Variants in HLA-DPA1 observed in about 807,000 individuals in gnomAD.
The protein encoded by HLA-DPA1 is major histocompatibility complex, class II, DP alpha 1.
Under a neutral mutation model 21.5 loss-of-function variants are expected in HLA-DPA1, and 20 were observed. The ratio of observed to expected loss-of-function variants is 0.93; its 90% CI spans 0.66 to 1.35. The LOEUF is 1.35. Among genes scored for constraint, HLA-DPA1 ranks in the 40% most tolerant of loss-of-function variants. The pLI is 0.00. For missense variants in HLA-DPA1, 279 were observed against 323.0 expected (o/e 0.86, Z 1.05); for synonymous variants, 123 against 129.6 (o/e 0.95, Z 0.35).
Position 33,080,309 on chromosome 6 carries a change from C to T in HLA-DPA1, c.-100+371G>A. The T allele has an allele frequency of 2.3e-6, 1 of 437,628 alleles. No individual in the cohort carries two copies. The highest frequency in any genetic ancestry group is 4.5e-6 in the Non-Finnish European group (1 of 222,264). The allele number at this position is 437,628 out of a possible 1,614,324, so 27.1% of individuals were successfully genotyped here. On this transcript the variant is annotated intron_variant, in intron 1 of 5. Transcript: ENST00000419277. The surrounding 1 kb of genome is among the most constrained non-coding windows in gnomAD (Gnocchi z 4.3). Reference sequence around the variant, plus strand: ...GTAGGGGGAGCAGCTCCGCCCTCCACGTCCCCAGCTCCTCCCGCCCCTGTT... The same window carrying T: ...GTAGGGGGAGCAGCTCCGCCCTCCATGTCCCCAGCTCCTCCCGCCCCTGTT...
chr6:33,072,782 G>C (rs1178959187), intron 2 of HLA-DPA1, among the ~76,000 whole-genome samples: 1 of 152,136 alleles, frequency 6.6e-6, no homozygotes, highest in Non-Finnish European at 1.5e-5. Context: ...CTGAGTCCTT[G>C]CAGCTATCAA....
At chr6:33,078,204 T>G (rs1762651657) in intron 1 of HLA-DPA1, among the ~76,000 whole-genome samples, 1 of 152,042 alleles carries the variant, frequency 6.6e-6, no homozygotes, top group Non-Finnish European at 1.5e-5. Flanking sequence ...AAGGCTGGGT[T>G]GAGGTTTGTA....
chr6:33,078,624 T>C (rs1762677234), intron 1 of HLA-DPA1, among the ~76,000 whole-genome samples: 1 of 128,114 alleles, frequency 7.8e-6, no homozygotes, highest in South Asian at 2.4e-4. Flanking sequence ...GTTTCTTATA[T>C]ACAAAAAAAA....
chr6:33,075,915 C>A, intron 1 of HLA-DPA1: 1 of 675,182 alleles, frequency 1.5e-6, no homozygotes, highest in South Asian at 1.9e-5. Flanking sequence ...CAGACTCTGT[C>A]CAATCCCAGG....
Position 33,080,468 on chromosome 6 carries a change from C to G in HLA-DPA1, c.-100+212G>C, listed in dbSNP as rs1278659993. On this transcript the variant is annotated intron_variant, in intron 1 of 5. Transcript: ENST00000419277. The surrounding 1 kb of genome is among the most constrained non-coding windows in gnomAD (Gnocchi z 4.3). ...CTGAGCTCATTCTTTTCAGTAAATT[C>G]TCTCTCTGCGTGGTGAGAAAACAGG... 1.3e-6 allele frequency: 1 copy of G among 758,760 alleles called. No individual in the cohort carries two copies. Among genetic ancestry groups the G allele is most frequent in the Non-Finnish European group, 2.3e-6 (1 of 426,618 alleles). The allele number at this position is 758,760 out of a possible 1,614,324, so 47.0% of individuals were successfully genotyped here.
chr6:33,064,938 C>T (rs900593631), exon 6 of HLA-DPA1: 1 of 152,164 alleles, frequency 6.6e-6, no homozygotes, highest in African/African-American at 2.4e-5. Context: ...GAGGTTGAAA[C>T]CACACCTTCA....
intron 3 of HLA-DPA1, 60 bp from the exon 3 acceptor site, chr6:33,069,360 C>G (rs1583090449): frequency 6.6e-7 from 1 of 1,515,946 alleles, no homozygotes; most frequent in Non-Finnish European, 9.0e-7. Context: ...AAGGCTCCAC[C>G]TCTTAGGGGA....
chr6:33,077,611 T>C (rs1237373376), intron 1 of HLA-DPA1, among the ~76,000 whole-genome samples: 1 of 152,202 alleles, frequency 6.6e-6, no homozygotes. Flanking sequence ...TTGGTGGGAC[T>C]GTAAACTAGT....
At chr6:33,073,327 A>G (rs1470861694) in intron 2 of HLA-DPA1, 144 bp downstream of exon 1, 5 of 612,804 alleles carry the variant, frequency 8.2e-6, no homozygotes, top group Non-Finnish European at 1.5e-5. Context: ...TATTGCTGTT[A>G]TTATTATGAG....
At position 33,072,642 on chromosome 6, in the gene HLA-DPA1, C is replaced by G. The variant is rs150355547; in HGVS notation, c.100+829G>C. Among the ~76,000 whole-genome samples the G allele has an allele frequency of 3.6e-3, 541 of 152,286 alleles. 3 individuals are homozygous for G. The highest frequency in any genetic ancestry group is 0.026 in the East Asian group (133 of 5,188). ...AAAACTGTCTGAAGCCAGTGTGCAT[C>G]TTGTACGTTATGGATTCTAACCTTC... On this transcript the variant is annotated intron_variant, in intron 2 of 5. Transcript: ENST00000419277.
chr6:33,070,326 A>G lies in HLA-DPA1; in HGVS notation c.101-440T>C, dbSNP rs117749757. Among the ~76,000 whole-genome samples, 518 of 152,326 alleles carry G rather than the reference A, an allele frequency of 3.4e-3. 4 individuals carry two copies. The highest frequency in any genetic ancestry group is 0.023 in the East Asian group (118 of 5,166). On this transcript the variant is annotated intron_variant, in intron 2 of 5. Transcript: ENST00000419277. The stretch of plus-strand genomic sequence containing the variant: ...TTTTACAGGTAAGGAAATGCAGGGA[A>G]GTTACATATTAATAACTTGCTAAGG...
Position 33,080,134 on chromosome 6 carries a change from A to G in HLA-DPA1, c.-100+546T>C, listed in dbSNP as rs752074430. On this transcript the variant is annotated intron_variant, in intron 1 of 5. Transcript: ENST00000419277. This position sits in a 1 kb window ranked among gnomAD's most constrained non-coding sequence, Gnocchi z 4.3. ...CTACATCTCCTACATGCAAAACAAC[A>G]GGAGCAAGTTGAGGAATTCTCAAGA... 1.3e-5 allele frequency among the ~76,000 whole-genome samples: 2 copies of G among 152,204 alleles called. No homozygotes were observed. The highest frequency in any genetic ancestry group is 2.9e-5 in the Non-Finnish European group (2 of 68,030).
chr6:33,076,103 T>A lies in HLA-DPA1; in HGVS notation c.-99-2434A>T, dbSNP rs763465797. On this transcript the variant is annotated intron_variant, in intron 1 of 5. Coordinates refer to ENST00000419277, the Ensembl canonical transcript of HLA-DPA1. ...GTGGCTCTGACGGCGTTACTGATGG[T>A]GCTGCTCACATCTGTGGTCCAGGGC... The A allele has an allele frequency of 2.5e-6, 4 of 1,612,052 alleles. No individual in the cohort carries two copies. The South Asian group carries it at 4.4e-5, about 18-fold the overall frequency.
At chr6:33,070,202 G>T (rs150808401) in intron 2 of HLA-DPA1, among the ~76,000 whole-genome samples, 4 of 152,124 alleles carry the variant, frequency 2.6e-5, no homozygotes, top group Admixed American at 6.5e-5. Context: ...GCTAACATTT[G>T]TTGAGCACTT....
chr6:33,078,869 A>G (rs552827267), intron 1 of HLA-DPA1, among the ~76,000 whole-genome samples: 5 of 152,218 alleles, frequency 3.3e-5, no homozygotes, highest in Admixed American at 6.5e-5. Flanking sequence ...GAGAATCCAC[A>G]CTCAGAGTGG....
Position 33,080,349 on chromosome 6 carries a change from C to G in HLA-DPA1, c.-100+331G>C, listed in dbSNP as rs912001748. 5.6e-6 allele frequency: 3 copies of G among 540,292 alleles called. No homozygotes were observed. The highest frequency in any genetic ancestry group is 1.1e-5 in the Non-Finnish European group (3 of 275,974). 33.5% of individuals were successfully genotyped at this position (540,292 alleles called of 1,614,324 possible). ...CCGCCCCTGTTTTTTCTCCCAGTGA[C>G]CCCACGTGAAACGTCTCCGCCTCCT... is the stretch of plus-strand genomic sequence containing the variant. On this transcript the variant is annotated intron_variant, in intron 1 of 5. Coordinates refer to ENST00000419277, the Ensembl canonical transcript of HLA-DPA1. This position sits in a 1 kb window ranked among gnomAD's most constrained non-coding sequence, Gnocchi z 4.3.
chr6:33,076,047 G>A (rs1169806514), intron 1 of HLA-DPA1: 2 of 1,611,442 alleles, frequency 1.2e-6, no homozygotes, highest in Non-Finnish European at 1.7e-6. Context: ...GCTCCATGAT[G>A]GTTCTGCAGG....
chr6:33,079,524 CA>C (rs1762725243), intron 1 of HLA-DPA1: 1 of 369,252 alleles, frequency 2.7e-6, no homozygotes, highest in Non-Finnish European at 5.2e-6. Flanking sequence ...AGGCACCAAT[CA>C]GACTGAAATG....
Position 33,069,302 on chromosome 6 carries a change from TGGA to T in HLA-DPA1, c.347-5_347-3del, listed in dbSNP as rs370268630. On this transcript the variant is annotated splice_polypyrimidine_tract_variant and splice_region_variant and intron_variant, in intron 3 of 5. Coordinates refer to ENST00000419277, the Ensembl canonical transcript of HLA-DPA1. ...GAAACACGGTCACCTCAGGGGGATC[TGGA>T]AGGAGACAGCACCAGGTTAGGCCCC... is the stretch of plus-strand genomic sequence containing the variant. 2.5e-6 allele frequency: 4 copies of T among 1,610,470 alleles called. No individual in the cohort carries two copies. Among genetic ancestry groups the T allele is most frequent in the East Asian group, 2.2e-5 (1 of 44,694 alleles).
Sources: gnomAD v4.1 joint callset for allele counts (sites outside exome capture counted in the v4.1 genomes callset) on GRCh38, gnomAD v4.1.1 for gene constraint, Gnocchi (gnomAD v3.1) non-coding constraint, MANE v1.5 for transcripts, NCBI Gene and HGNC (gene_info 2026-07-23, HGNC 2026-07-21) for gene names.